Variants in NAP1L1 observed in about 807,000 individuals in gnomAD.
NAP1L1 encodes the protein nucleosome assembly protein 1 like 1, also known as nucleosome assembly protein 1-like 1.
NAP1L1 carries 9 observed loss-of-function variants against 58.9 expected under a neutral mutation model. The observed-to-expected ratio is 0.15, with a 90% CI of 0.09 to 0.27. The LOEUF (loss-of-function observed/expected upper bound fraction) is 0.27. Ranked by LOEUF, NAP1L1 falls within the 10% of genes least tolerant of loss-of-function variation. The pLI, the probability that NAP1L1 is intolerant of heterozygous loss-of-function variation, is 1.00. For synonymous variants in NAP1L1, 130 were observed against 138.3 expected (o/e 0.94, Z 0.42); for missense variants, 302 against 458.8 (o/e 0.66, Z 3.12).
At chr12:76,055,858 A>G (rs1013989533) in intron 7 of NAP1L1, among the ~76,000 whole-genome samples, 175 bp downstream of exon 7, 4 of 152,206 alleles carry the variant, frequency 2.6e-5, no homozygotes, top group African/African-American at 9.7e-5. Context: ...AAAATAAACT[A>G]ATTTATTTGA....
intron 1 of NAP1L1, among the ~76,000 whole-genome samples, chr12:76,076,580 A>G (rs988098377): frequency 1.7e-4 from 10 of 57,880 alleles, no homozygotes; most frequent in African/African-American, 4.7e-4. Flanking sequence ...ATATATATAT[A>G]TATATATATA....
intron 1 of NAP1L1, 90 bp from the exon 2 acceptor site, chr12:76,074,329 T>C (rs1950094907): frequency 5.1e-6 from 7 of 1,385,698 alleles, no homozygotes; most frequent in African/African-American, 1.5e-5. Flanking sequence ...AATACCATAC[T>C]GAAAACTATC....
At chr12:76,079,620 AT>A (rs1950323775) in intron 1 of NAP1L1, among the ~76,000 whole-genome samples, 1 of 152,222 alleles carries the variant, frequency 6.6e-6, no homozygotes. Flanking sequence ...TAAAAGGTTC[AT>A]ACATATATGG....
Position 76,038,509 on chromosome 12 carries a change from G to A in NAP1L1, c.*9920C>T, listed in dbSNP as rs1948519622. 1 of 152,146 alleles carries A rather than the reference G, an allele frequency of 6.6e-6. No homozygotes were observed. Among genetic ancestry groups the A allele is most frequent in the South Asian group, 2.1e-4 (1 of 4,826 alleles). 9.4% of individuals were successfully genotyped at this position (152,146 alleles called of 1,614,324 possible). On this transcript the variant is annotated 3_prime_UTR_variant, in exon 15 of 15. Transcript: ENST00000618691. ...GGGCAAATACCTTTCTTAGGTGATAGAGGACATATAGCAGTGAGTGTAGAC... is the reference window on the plus strand; with the variant it reads ...GGGCAAATACCTTTCTTAGGTGATAAAGGACATATAGCAGTGAGTGTAGAC...
intron 4 of NAP1L1, among the ~76,000 whole-genome samples, chr12:76,067,040 A>T (rs1034312476): frequency 6.6e-6 from 1 of 152,126 alleles, no homozygotes; most frequent in Admixed American, 6.5e-5. Context: ...TAAGATATTC[A>T]TGCTATTAAT....
rs566985660 is a variant in NAP1L1 at position 76,048,444 on chromosome 12, C to T, written c.1161G>A (p.Glu387=). The change falls in exon 15 of 15, where the codon GAG becomes GAA. Residue 387 remains glutamate, a synonymous_variant. Coordinates refer to ENST00000618691, the MANE Select transcript of NAP1L1 (RefSeq NM_004537.7). ...YDPKKDQNPA[E]CKQQ ...ACATCCTGCTTCACTGCTGCTTGCA[C>T]TCTGCTGGGTTTTGATCCTTCTGTT... 7 of 1,613,568 alleles carry T rather than the reference C, an allele frequency of 4.3e-6. No homozygotes were observed. The highest frequency in any genetic ancestry group is 1.3e-5 in the African/African-American group (1 of 74,908).
chr12:76,077,997 A>AG (rs1006682283), intron 1 of NAP1L1, among the ~76,000 whole-genome samples: 7 of 150,736 alleles, frequency 4.6e-5, no homozygotes, highest in Admixed American at 3.3e-4. Context: ...AAAAAAAAAA[A>AG]AAAAGGAAAA....
intron 1 of NAP1L1, chr12:76,084,215 C>A (rs1950522143): frequency 6.6e-6 from 1 of 152,184 alleles, no homozygotes; most frequent in Non-Finnish European, 1.5e-5. Flanking sequence ...GCCTCCCGGT[C>A]CTCGCGGCGC....
chr12:76,074,097 T>G (rs1950084972), intron 2 of NAP1L1, 106 bp downstream of exon 2: 1 of 990,960 alleles, frequency 1.0e-6, no homozygotes, highest in Non-Finnish European at 1.6e-6. Flanking sequence ...GTACTAAGCA[T>G]TAGTAACTAC....
rs1243475241 is a variant in NAP1L1, at chr12:76,058,191, C to CTTCATATATATA, written c.429+1606_429+1607insTATATATATGAA. Reference sequence around the variant, plus strand: ...TAGATATGGCCAAAGGGAGAGAGGCCTACATATATATATATATATATATAT... The same window carrying CTTCATATATATA: ...TAGATATGGCCAAAGGGAGAGAGGCCTTCATATATATATACATATATATATATATATATATAT... On this transcript the variant is annotated intron_variant, in intron 6 of 14. Transcript: ENST00000618691. 9.1e-4 allele frequency: 286 copies of CTTCATATATATA among 315,500 alleles called. 15 individuals are homozygous for CTTCATATATATA. The African/African-American group carries it at 0.012, about 13-fold the overall frequency. 19.5% of individuals were successfully genotyped at this position (315,500 alleles called of 1,614,324 possible). A position where few individuals can be genotyped will look rare whatever the true frequency, so the allele number is the denominator to read the frequency against.
intron 11 of NAP1L1, 73 bp from the exon 12 acceptor site, chr12:76,050,726 CT>C: frequency 6.6e-7 from 1 of 1,510,594 alleles, no homozygotes; most frequent in Non-Finnish European, 8.9e-7. Flanking sequence ...ATGTAAGACT[CT>C]TAGAGGCTGG....
At chr12:76,053,720 A>G in intron 9 of NAP1L1, 50 bp downstream of exon 9, 3 of 1,579,728 alleles carry the variant, frequency 1.9e-6, no homozygotes, top group Non-Finnish European at 1.7e-6. Context: ...CAAATCAAGT[A>G]TAACAAAAAC....
At chr12:76,066,121 TAAATAAATAAATAAATAAACAAAC>T (rs1273011978) in intron 4 of NAP1L1, among the ~76,000 whole-genome samples, 58 of 105,058 alleles carry the variant, frequency 5.5e-4, no homozygotes, top group East Asian at 3.3e-3. Flanking sequence ...AATAAATAAA[TAAATAAATAAATAAATAAACAAAC>T]AAACAAACAA....
At chr12:76,063,463 A>G (rs1372017527) in intron 4 of NAP1L1, among the ~76,000 whole-genome samples, 1 of 152,234 alleles carries the variant, frequency 6.6e-6, no homozygotes, top group East Asian at 1.9e-4. Flanking sequence ...AATAAATCCA[A>G]AAACAATACA....
At chr12:76,057,912 A>G in intron 6 of NAP1L1, 1 of 1,213,284 alleles carries the variant, frequency 8.2e-7, no homozygotes, top group Non-Finnish European at 1.2e-6. Context: ...AGAGCAAAGA[A>G]ATATGTGACA....
Position 76,045,440 on chromosome 12 carries a change from CAATT to C in NAP1L1, c.*2985_*2988del, listed in dbSNP as rs757878332. ...GGGAATGGCCTACAATTACAATAAA[CAATT>C]AATTCAGTTATTTTAGGGGCCTTAC... On this transcript the variant is annotated 3_prime_UTR_variant, in exon 15 of 15. Transcript: ENST00000618691. 16 of 152,002 alleles carry C rather than the reference CAATT, an allele frequency of 1.1e-4. No individual in the cohort carries two copies. The highest frequency in any genetic ancestry group is 1.9e-4 in the Non-Finnish European group (13 of 67,882). 9.4% of individuals were successfully genotyped at this position (152,002 alleles called of 1,614,324 possible).
intron 5 of NAP1L1, 68 bp downstream of exon 5, chr12:76,060,068 CAA>C: frequency 6.6e-7 from 1 of 1,510,772 alleles, no homozygotes. Flanking sequence ...TAACCTCTTC[CAA>C]GTCTGCTTAT....
intron 11 of NAP1L1, among the ~76,000 whole-genome samples, chr12:76,051,784 G>C (rs959409164): frequency 1.3e-5 from 2 of 152,168 alleles, no homozygotes; most frequent in Non-Finnish European, 2.9e-5. Context: ...GGAGGCCAAG[G>C]CAGGCAGATT....
At position 76,045,146 on chromosome 12, in the gene NAP1L1, CAT is replaced by C. The variant is rs1489840653; in HGVS notation, c.*3281_*3282del. 5.9e-5 allele frequency: 9 copies of C among 151,930 alleles called. No individual in the cohort carries two copies. In the South Asian group the frequency reaches 6.2e-4, roughly 11 times the overall value. The allele number at this position is 151,930 out of a possible 1,614,324, so 9.4% of individuals were successfully genotyped here. On this transcript the variant is annotated 3_prime_UTR_variant, in exon 15 of 15. Coordinates refer to ENST00000618691, the MANE Select transcript of NAP1L1 (RefSeq NM_004537.7). ...AGATTAAAAAAAAACTGAATTAGCA[CAT>C]ATTTCTCTTTTCTAAAGCTCCTATG...
Sources: allele counts gnomAD v4.1 joint callset (sites outside exome capture counted in the v4.1 genomes callset), GRCh38; gene constraint gnomAD v4.1.1; transcripts MANE v1.5; gene names NCBI Gene and HGNC (gene_info 2026-07-23, HGNC 2026-07-21).